The following ATP2B4 variants were observed in gnomAD, a reference collection of about 807,000 sequenced individuals.
The protein encoded by ATP2B4 is ATPase plasma membrane Ca2+ transporting 4, also known as plasma membrane calcium-transporting ATPase 4.
Under a neutral mutation model 110.3 loss-of-function variants are expected in ATP2B4, and 39 were observed. The ratio of observed to expected loss-of-function variants is 0.35; its 90% CI spans 0.27 to 0.46. The LOEUF is 0.46. Ranked by LOEUF, ATP2B4 falls within the 20% of genes least tolerant of loss-of-function variation. ATP2B4 has a pLI of 1.00. For synonymous variants in ATP2B4, 538 were observed against 571.7 expected, an observed-to-expected ratio of 0.94 and a Z score of 0.84; for missense variants, 1,135 against 1,530.9, an observed-to-expected ratio of 0.74 and a Z score of 4.32.
At chr1:203,717,056 G>A (rs892800027) in intron 15 of ATP2B4, among the ~76,000 whole-genome samples, 4 of 145,258 alleles carry the variant, frequency 2.8e-5, no homozygotes, top group African/African-American at 1.0e-4. Flanking sequence ...AAATTAGCTG[G>A]GCATGATGGC....
intron 1 of ATP2B4, among the ~76,000 whole-genome samples, chr1:203,664,788 G>A (rs1361468991): frequency 6.6e-6 from 1 of 152,260 alleles, no homozygotes; most frequent in East Asian, 1.9e-4. Context: ...GGAATGCCAG[G>A]TTGACAGTTA....
At chr1:203,723,305 CTG>C (rs1031402332) in intron 18 of ATP2B4, among the ~76,000 whole-genome samples, 1 of 147,842 alleles carries the variant, frequency 6.8e-6, no homozygotes, top group African/African-American at 2.5e-5. Flanking sequence ...GGGTCTCACT[CTG>C]TTGCTCAGGC....
chr1:203,731,503 T>C (rs1666711672), intron 20 of ATP2B4, among the ~76,000 whole-genome samples: 2 of 151,918 alleles, frequency 1.3e-5, no homozygotes, highest in South Asian at 4.1e-4. Flanking sequence ...TACTTAGGGG[T>C]CAGGGATAAG....
chr1:203,673,910 A>G lies in ATP2B4; in HGVS notation c.-464-8832A>G, dbSNP rs372286287. ...AGGGAGATGACCCCTCTCCATAAGC[A>G]TGACATGATTCTGCTGAAATTCGTT... On this transcript the variant is annotated intron_variant, in intron 1 of 20. Transcript: ENST00000357681. Among the ~76,000 whole-genome samples the G allele has an allele frequency of 5.3e-4, 81 of 152,300 alleles. No homozygotes were observed. The East Asian group carries it at 0.015, about 28-fold the overall frequency.
chr1:203,698,252 G>A lies in ATP2B4; in HGVS notation c.289G>A (p.Val97Met). The A allele has an allele frequency of 6.2e-7, 1 of 1,614,172 alleles. No individual in the cohort carries two copies. Residue 97 changes from valine (V) to methionine (M), a missense_variant, in exon 3 of 21, where the codon GTG becomes ATG. By Grantham distance (21) the Val-to-Met change is conservative. Transcript: ENST00000357681. ...PKKPKTFLEL[V>M]WEALQDVTLI... is the part of the protein sequence containing the mutation. ...AAAGCCCAAGACTTTCTTAGAATTA[G>A]TGTGGGAAGCTCTTCAAGATGTCAC... is the stretch of plus-strand genomic sequence containing the variant.
rs149908547 is a variant in ATP2B4, at chr1:203,633,753, G to T, written c.-465+6534G>T. ...AAATAAATAAATAAATAAAGTAAAT[G>T]CCAACTAATAAAATCTAGTAGTAAT... On this transcript the variant is annotated intron_variant, in intron 1 of 20. Coordinates refer to ENST00000357681, the MANE Select transcript of ATP2B4 (RefSeq NM_001684.5). Among the ~76,000 whole-genome samples, 446 of 73,742 alleles carry T rather than the reference G, an allele frequency of 6.0e-3. 5 individuals are homozygous for T. In the East Asian group the frequency reaches 0.083, roughly 14 times the overall value. The allele number at this position is 73,742 out of a possible 152,430, so 48.4% of individuals were successfully genotyped here.
chr1:203,713,080 T>C, intron 13 of ATP2B4, 85 bp from the exon 14 acceptor site: 1 of 1,408,342 alleles, frequency 7.1e-7, no homozygotes, highest in Non-Finnish European at 1.0e-6. Context: ...AATCTCCCAG[T>C]GACTCCAAGT....
chr1:203,652,834 C>T (rs1664039430), intron 1 of ATP2B4, among the ~76,000 whole-genome samples: 1 of 152,222 alleles, frequency 6.6e-6, no homozygotes, highest in African/African-American at 2.4e-5. Flanking sequence ...CTTCATCTCT[C>T]TCTTTCTCCT....
At chr1:203,640,166 CT>C (rs1663583736) in intron 1 of ATP2B4, among the ~76,000 whole-genome samples, 1 of 152,130 alleles carries the variant, frequency 6.6e-6, no homozygotes, top group Non-Finnish European at 1.5e-5. Flanking sequence ...CGGTGACCCC[CT>C]CTTCCTATTC....
Position 203,715,173 on chromosome 1 carries a change from G to A in ATP2B4, c.2406+896G>A, listed in dbSNP as rs550557705. 3.5e-3 allele frequency among the ~76,000 whole-genome samples: 534 copies of A among 151,818 alleles called. 3 individuals are homozygous for A. In the South Asian group the frequency reaches 0.035, roughly 10 times the overall value. ...ACCTGTAATCCCAGCTACTCGGGAGGCTGAGGTAGGAGAATCACTTGAACC... is the reference window on the plus strand; with the variant it reads ...ACCTGTAATCCCAGCTACTCGGGAGACTGAGGTAGGAGAATCACTTGAACC... On this transcript the variant is annotated intron_variant, in intron 15 of 20. Coordinates refer to ENST00000357681, the MANE Select transcript of ATP2B4 (RefSeq NM_001684.5).
chr1:203,736,383 G>A (rs1666877159), intron 20 of ATP2B4, among the ~76,000 whole-genome samples: 2 of 152,042 alleles, frequency 1.3e-5, no homozygotes, highest in Non-Finnish European at 1.5e-5. Context: ...CAGGAGAATC[G>A]CTTGAACTCG....
chr1:203,707,739 G>A, intron 9 of ATP2B4, 123 bp from the exon 10 acceptor site: 1 of 1,365,504 alleles, frequency 7.3e-7, no homozygotes. Context: ...TCAGTATCTT[G>A]GATTTTTGTG....
chr1:203,683,492 G>A, intron 2 of ATP2B4, 94 bp downstream of exon 2: 1 of 1,305,192 alleles, frequency 7.7e-7, no homozygotes, highest in Non-Finnish European at 1.0e-6. Context: ...CATTTCTGGA[G>A]GCCCAGCTGG....
intron 11 of ATP2B4, among the ~76,000 whole-genome samples, chr1:203,709,829 C>T (rs994693054): frequency 2.6e-5 from 4 of 152,202 alleles, no homozygotes; most frequent in Admixed American, 1.3e-4. Flanking sequence ...CAAGGTGATA[C>T]AGCTAATAGT....
chr1:203,694,366 G>C (rs1571730914), intron 2 of ATP2B4, among the ~76,000 whole-genome samples: 1 of 152,288 alleles, frequency 6.6e-6, no homozygotes, highest in African/African-American at 2.4e-5. Context: ...CAGGATGAGG[G>C]GGATCAAGAG....
rs759135622 is a variant in ATP2B4, at chr1:203,700,956, T to C, written c.901+33T>C. On this transcript the variant is annotated intron_variant, in intron 6 of 20. Coordinates refer to ENST00000357681, the MANE Select transcript of ATP2B4 (RefSeq NM_001684.5). Reference sequence around the variant, plus strand: ...GCATCTGGAATGAGATTCTCTTTCCTCTCATCCCCATGGACAAACAAGGAA... The same window carrying C: ...GCATCTGGAATGAGATTCTCTTTCCCCTCATCCCCATGGACAAACAAGGAA... The C allele has an allele frequency of 1.9e-6, 3 of 1,601,620 alleles. No individual in the cohort carries two copies. In the African/African-American group the frequency reaches 4.0e-5, roughly 21 times the overall value.
At chr1:203,653,157 C>G (rs1401897925) in intron 1 of ATP2B4, among the ~76,000 whole-genome samples, 1 of 152,224 alleles carries the variant, frequency 6.6e-6, no homozygotes, top group Non-Finnish European at 1.5e-5. Context: ...GAAGGAAGTT[C>G]AAGTGGTCTG....
At chr1:203,680,648 C>G (rs996141144) in intron 1 of ATP2B4, among the ~76,000 whole-genome samples, 1 of 146,014 alleles carries the variant, frequency 6.8e-6, no homozygotes, top group African/African-American at 2.5e-5. Flanking sequence ...GGCTTTCTCC[C>G]ATCACTTAAG....
intron 8 of ATP2B4, 21 bp downstream of exon 8, chr1:203,703,834 T>C (rs768666859): frequency 6.2e-7 from 1 of 1,610,146 alleles, no homozygotes; most frequent in East Asian, 2.2e-5. Context: ...TAGAGCCTCG[T>C]TGTGGTTTAT....
Sources: allele counts gnomAD v4.1 joint callset (sites outside exome capture counted in the v4.1 genomes callset), GRCh38; gene constraint gnomAD v4.1.1; transcripts MANE v1.5; gene names NCBI Gene and HGNC (gene_info 2026-07-23, HGNC 2026-07-21).